PIK3C2G: variants seen among roughly 807,000 people sequenced by gnomAD.
The protein encoded by PIK3C2G is phosphatidylinositol-4-phosphate 3-kinase catalytic subunit type 2 gamma.
Under a neutral mutation model 181.1 loss-of-function variants are expected in PIK3C2G, and 168 were observed. That is an observed-to-expected ratio of 0.93 (90% confidence interval 0.82 to 1.05). PIK3C2G has a LOEUF of 1.05. Among genes scored for constraint, PIK3C2G ranks in the 50% least tolerant of loss-of-function variants. The pLI, the probability that PIK3C2G is intolerant of heterozygous loss-of-function variation, is 0.00. For missense variants in PIK3C2G, 1,869 were observed against 1,732.8 expected (o/e 1.08, Z -1.40); for synonymous variants, 573 against 592.2 (o/e 0.97, Z 0.47).
intron 13 of PIK3C2G, among the ~76,000 whole-genome samples, chr12:18,377,829 T>G (rs2137931316): frequency 6.6e-6 from 1 of 152,280 alleles, no homozygotes; most frequent in Non-Finnish European, 1.5e-5. Context: ...TTATAAATAT[T>G]ACATATATAT....
At chr12:18,716,573 T>C in the PIK3C2G span, among the ~76,000 whole-genome samples, 2 of 152,300 alleles carry the variant, frequency 1.3e-5, no homozygotes, top group East Asian at 3.9e-4. Flanking sequence ...TTTTTTATGA[T>C]CATTGTAAAC....
intron 9 of PIK3C2G, among the ~76,000 whole-genome samples, chr12:18,341,500 G>GT (rs56735626): frequency 0.059 from 8,984 of 152,186 alleles, 913 homozygotes; most frequent in African/African-American, 0.21. Context: ...AAAATAAGGA[G>GT]TTTATTTAAT....
intron 31 of PIK3C2G, among the ~76,000 whole-genome samples, chr12:18,621,604 G>A (rs1948867875): frequency 6.6e-6 from 1 of 151,538 alleles, no homozygotes; most frequent in African/African-American, 2.4e-5. Context: ...TAACATATAT[G>A]TATATAACAA....
the PIK3C2G span, chr12:18,705,132 T>A: frequency 6.2e-7 from 1 of 1,611,224 alleles, no homozygotes. Flanking sequence ...ATGGACTTTT[T>A]TCTTAACCTG....
chr12:18,558,174 C>G (rs1037262170), intron 26 of PIK3C2G, among the ~76,000 whole-genome samples: 1 of 151,978 alleles, frequency 6.6e-6, no homozygotes, highest in Non-Finnish European at 1.5e-5. Flanking sequence ...ATAAATGCAA[C>G]AAAACGAGGA....
At chr12:18,473,448 G>T (rs1286222967) in intron 18 of PIK3C2G, among the ~76,000 whole-genome samples, 1 of 152,106 alleles carries the variant, frequency 6.6e-6, no homozygotes, top group African/African-American at 2.4e-5. Flanking sequence ...TTTTTATATG[G>T]TACTGAAGTC....
intron 24 of PIK3C2G, among the ~76,000 whole-genome samples, chr12:18,511,265 G>A (rs983931739): frequency 1.3e-5 from 2 of 151,974 alleles, no homozygotes; most frequent in Non-Finnish European, 2.9e-5. Flanking sequence ...CTTGGCTATT[G>A]TGAACAATAC....
the PIK3C2G span, among the ~76,000 whole-genome samples, chr12:18,721,978 CCAA>C: frequency 6.6e-6 from 1 of 151,978 alleles, no homozygotes; most frequent in African/African-American, 2.4e-5. Flanking sequence ...GCCAGTCTCT[CCAA>C]ACTCATCTCT....
chr12:18,723,482 T>C, the PIK3C2G span: 3 of 1,612,926 alleles, frequency 1.9e-6, no homozygotes, highest in South Asian at 3.3e-5. Context: ...TGCGTGATAA[T>C]TCGATAAATT....
chr12:18,628,190 T>C (rs867657387), intron 31 of PIK3C2G, among the ~76,000 whole-genome samples: 3 of 152,008 alleles, frequency 2.0e-5, no homozygotes, highest in African/African-American at 7.2e-5. Context: ...TTTAATAGAG[T>C]TCTTTAAATA....
intron 25 of PIK3C2G, among the ~76,000 whole-genome samples, chr12:18,544,857 C>A (rs957184945): frequency 2.0e-5 from 3 of 151,508 alleles, no homozygotes; most frequent in Non-Finnish European, 4.4e-5. Flanking sequence ...GTGCTTTGGA[C>A]CCTCTCAATA....
At chr12:18,309,465 A>C (rs976070146) in intron 5 of PIK3C2G, among the ~76,000 whole-genome samples, 1 of 151,718 alleles carries the variant, frequency 6.6e-6, no homozygotes, top group South Asian at 2.1e-4. Flanking sequence ...TAGCTTGTTC[A>C]TTTTTGACTG....
At chr12:18,629,345 C>T (rs1949243618) in intron 31 of PIK3C2G, among the ~76,000 whole-genome samples, 1 of 152,124 alleles carries the variant, frequency 6.6e-6, no homozygotes, top group Non-Finnish European at 1.5e-5. Flanking sequence ...ATGGTCAGGT[C>T]ATCATCAGCT....
chr12:18,265,403 T>G (rs1303318816), intron 1 of PIK3C2G, among the ~76,000 whole-genome samples: 1 of 152,190 alleles, frequency 6.6e-6, no homozygotes, highest in African/African-American at 2.4e-5. Flanking sequence ...AAGCTAAATA[T>G]ATATAGTATA....
intron 1 of PIK3C2G, among the ~76,000 whole-genome samples, chr12:18,264,842 C>T (rs1948411780): frequency 6.6e-6 from 1 of 152,128 alleles, no homozygotes. Flanking sequence ...GCTCACAGTG[C>T]ATAGTGTCTT....
chr12:18,558,276 T>C (rs1945117746), intron 26 of PIK3C2G, among the ~76,000 whole-genome samples: 1 of 152,192 alleles, frequency 6.6e-6, no homozygotes, highest in South Asian at 2.1e-4. Context: ...TAAAAAATTG[T>C]TACATTAAAC....
intron 30 of PIK3C2G, among the ~76,000 whole-genome samples, chr12:18,598,341 G>A (rs1405430663): frequency 2.6e-5 from 4 of 151,634 alleles, no homozygotes; most frequent in Non-Finnish European, 4.4e-5. Context: ...CAGAAAAAAC[G>A]CCGCATATCT....
Position 18,625,286 on chromosome 12 carries a change from G to A in PIK3C2G, c.4183-15143G>A, listed in dbSNP as rs186633458. 7.8e-3 allele frequency among the ~76,000 whole-genome samples: 1,181 copies of A among 151,638 alleles called. 9 individuals carry two copies. Among genetic ancestry groups the A allele is most frequent in the African/African-American group, 0.012 (514 of 41,464 alleles). Reference sequence around the variant, plus strand: ...TAATTTCTTCATTGACCTATTGGCTGTTCAGGGGTGTGTGGTTTAATTTCT... The same window carrying A: ...TAATTTCTTCATTGACCTATTGGCTATTCAGGGGTGTGTGGTTTAATTTCT... On this transcript the variant is annotated intron_variant, in intron 31 of 32. Transcript: ENST00000538779.
intron 18 of PIK3C2G, among the ~76,000 whole-genome samples, chr12:18,435,723 T>A (rs1038714663): frequency 6.6e-6 from 1 of 152,110 alleles, no homozygotes; most frequent in Non-Finnish European, 1.5e-5. Context: ...AAATCTTTCA[T>A]GCCCTGATGA....
Sources: gnomAD v4.1 joint callset for allele counts (sites outside exome capture counted in the v4.1 genomes callset) on GRCh38, gnomAD v4.1.1 for gene constraint, MANE v1.5 for transcripts, NCBI Gene and HGNC (gene_info 2026-07-23, HGNC 2026-07-21) for gene names.